The following POLE variants were observed in gnomAD, a reference collection of about 807,000 sequenced individuals.
The protein encoded by POLE is DNA polymerase epsilon, catalytic subunit.
In POLE, 188 loss-of-function variants were observed where a neutral mutation model predicts 279.2. That is an observed-to-expected ratio of 0.67 (90% CI 0.60 to 0.76). The LOEUF is 0.76. Among genes scored for constraint, POLE ranks in the 30% least tolerant of loss-of-function variants. POLE has a pLI of 0.00. For synonymous variants in POLE, 1,214 were observed against 1,172.5 expected (o/e 1.04, Z -0.72); for missense variants, 2,703 against 3,016.7 (o/e 0.90, Z 2.44).
chr12:132,634,440 T>C lies in POLE; in HGVS notation c.5812-62A>G. On this transcript the variant is annotated intron_variant, in intron 42 of 48. Transcript: ENST00000320574. The surrounding 1 kb of genome is among the most constrained non-coding windows in gnomAD (Gnocchi z 4.0). ...ATCGCGGCCTGGTAGAGGGGTAGGA[T>C]GCCACAGCGAAGGCTCCTCCAACCT... is the stretch of plus-strand genomic sequence containing the variant. 2 of 1,522,372 alleles carry C rather than the reference T, an allele frequency of 1.3e-6. No individual in the cohort carries two copies. Among genetic ancestry groups the C allele is most frequent in the South Asian group, 2.4e-5 (2 of 81,886 alleles). 94.3% of individuals were successfully genotyped at this position (1,522,372 alleles called of 1,614,324 possible).
chr12:132,627,094 AAC>A (rs1566310026), intron 45 of POLE, among the ~76,000 whole-genome samples: 2 of 152,232 alleles, frequency 1.3e-5, no homozygotes, highest in Non-Finnish European at 2.9e-5. Context: ...CATCCTGGCC[AAC>A]ACAGTGAAAC....
At chr12:132,641,894 C>T (rs2042153086) in intron 38 of POLE, 43 bp from the exon 39 acceptor site, 2 of 1,575,402 alleles carry the variant, frequency 1.3e-6, no homozygotes, top group African/African-American at 1.3e-5. Context: ...CCTGCCAGCT[C>T]CAGCACCACC....
intron 26 of POLE, 59 bp from the exon 27 acceptor site, chr12:132,658,029 C>T (rs1445247105): frequency 3.9e-6 from 4 of 1,031,284 alleles, no homozygotes; most frequent in Non-Finnish European, 6.1e-6. Context: ...AAAATCTGAT[C>T]CTAACTCTTA....
Position 132,672,857 on chromosome 12 carries a change from G to T in POLE, c.1474-18C>A, listed in dbSNP as rs1304639075. ...CGCAGCACCTGCAAGAGAAACCAAG[G>T]CTTCCAGCCAAAAGCAACACCAAAG... is the stretch of plus-strand genomic sequence containing the variant. On this transcript the variant is annotated intron_variant, in intron 14 of 48. Transcript: ENST00000320574. 2.5e-6 allele frequency: 4 copies of T among 1,608,038 alleles called. No individual in the cohort carries two copies. In the Admixed American group the frequency reaches 6.8e-5, roughly 27 times the overall value.
chr12:132,652,232 T>G (rs538105174), intron 29 of POLE, among the ~76,000 whole-genome samples: 1 of 152,234 alleles, frequency 6.6e-6, no homozygotes, highest in African/African-American at 2.4e-5. Flanking sequence ...CCCTTTGTGA[T>G]GTTTTTCACA....
rs2042363929 is a variant in POLE, at chr12:132,649,366, C to T, written c.3945G>A (p.Leu1315=). The T allele has an allele frequency of 1.9e-6, 3 of 1,613,594 alleles. No individual in the cohort carries two copies. The highest frequency in any genetic ancestry group is 1.7e-6 in the Non-Finnish European group (2 of 1,180,032). Residue 1315 remains leucine (L), a synonymous_variant, in exon 31 of 49, where the codon CTG becomes CTA. Coordinates refer to ENST00000320574, the MANE Select transcript of POLE (RefSeq NM_006231.4). The stretch of plus-strand genomic sequence containing the variant: ...GGGCAGTTCTTCGCAAGAAGCTCCC[C>T]AGCCCCGTGGCAGGACCATCCCGGA... ...GAIRDGPATG[L]GSFLRRTARS... is the part of the protein sequence containing the mutation.
intron 31 of POLE, 57 bp downstream of exon 31, chr12:132,649,249 C>A (rs1212728517): frequency 5.7e-6 from 9 of 1,568,432 alleles, no homozygotes; most frequent in African/African-American, 4.0e-5. Flanking sequence ...CAGCTGGACA[C>A]CCCCTCCCTG....
rs552592036 is a variant in POLE at position 132,640,439 on chromosome 12, G to A, written c.5379-1141C>T. On this transcript the variant is annotated intron_variant, in intron 39 of 48. Transcript: ENST00000320574. ...GTCAGGCAGGTGGTACCTAGACACA[G>A]GTCACACAAAAGCCACAAGGGCGTG... is the stretch of plus-strand genomic sequence containing the variant. 3.9e-4 allele frequency among the ~76,000 whole-genome samples: 59 copies of A among 152,372 alleles called. No individual in the cohort carries two copies. In the Middle Eastern group the frequency reaches 0.014, roughly 35 times the overall value.
Position 132,635,879 on chromosome 12 carries a change from G to A in POLE, c.5811+13C>T, listed in dbSNP as rs150195182. ...CCAAAGCTGGCTCGGGTGCCACACT[G>A]CAGCTCGCTTACCAGTCCACAGTGA... On this transcript the variant is annotated intron_variant, in intron 42 of 48. Transcript: ENST00000320574. The A allele has an allele frequency of 3.5e-4, 556 of 1,603,784 alleles. 3 individuals carry two copies. The African/African-American group carries it at 6.6e-3, about 19-fold the overall frequency.
rs1002181208 is a variant in POLE, at chr12:132,639,212, T to C, written c.5465A>G (p.Tyr1822Cys). The change falls in exon 40 of 49, where the codon TAC becomes TGC. Residue 1822 changes from tyrosine (Y) to cysteine (C), a missense_variant. By Grantham distance (194) the Tyr-to-Cys change is radical. This residue lies in a region of POLE where 1,551 missense variants were observed against 1,686.1 expected (regional missense o/e 0.92). Coordinates refer to ENST00000320574, the MANE Select transcript of POLE (RefSeq NM_006231.4). The surrounding 1 kb of genome is among the most constrained non-coding windows in gnomAD (Gnocchi z 4.7). ...IYADNQVMHF[Y>C]RWLRSPSSLL... ...AGAGGATGGCGACCGAAGCCAGCGG[T>C]AGAAGTGCATCACCTGGTTGTCTGC... The C allele has an allele frequency of 6.2e-7, 1 of 1,614,030 alleles. No individual in the cohort carries two copies. Among genetic ancestry groups the C allele is most frequent in the African/African-American group, 1.3e-5 (1 of 75,018 alleles).
Position 132,668,897 on chromosome 12 carries a change from C to CG in POLE, c.1836dup (p.Val613ArgfsTer43), listed in dbSNP as rs1555227419. 1 of 1,614,112 alleles carries CG rather than the reference C, an allele frequency of 6.2e-7. No individual in the cohort carries two copies. The highest frequency in any genetic ancestry group is 8.5e-7 in the Non-Finnish European group (1 of 1,179,994). Reference sequence around the variant, plus strand: ...AGTGGACACTCGATGCGGCTGGGAACGTCCTTCAGGGAGGCAAGCTTGCTC... The same window carrying CG: ...AGTGGACACTCGATGCGGCTGGGAACGGTCCTTCAGGGAGGCAAGCTTGCTC... On this transcript the variant is annotated frameshift_variant, in exon 17 of 49. Coordinates refer to ENST00000320574, the MANE Select transcript of POLE (RefSeq NM_006231.4). LOFTEE classifies it high-confidence loss of function. This position sits in a 1 kb window ranked among gnomAD's most constrained non-coding sequence, Gnocchi z 4.0.
At position 132,641,754 on chromosome 12, in the gene POLE, G is replaced by A. The variant is rs1555222331; in HGVS notation, c.5271C>T (p.Ser1757=). The stretch of plus-strand genomic sequence containing the variant: ...GGGAGGCCTGCTGGATCACGTCGAA[G>A]CTGATCCCCATGCTGTCGGCCCCCT... The part of the protein sequence containing the change: ...DMEGADSMGI[S]FDVIQQASLE... The change falls in exon 39 of 49, where the codon AGC becomes AGT. Residue 1757 remains serine, a synonymous_variant. Coordinates refer to ENST00000320574, the MANE Select transcript of POLE (RefSeq NM_006231.4). 1 of 1,611,622 alleles carries A rather than the reference G, an allele frequency of 6.2e-7. No individual in the cohort carries two copies. Among genetic ancestry groups the A allele is most frequent in the Non-Finnish European group, 8.5e-7 (1 of 1,179,898 alleles).
chr12:132,673,480 G>A (rs2042977461), intron 13 of POLE, 95 bp downstream of exon 13: 1 of 1,540,682 alleles, frequency 6.5e-7, no homozygotes, highest in Non-Finnish European at 8.8e-7. Flanking sequence ...GGCAGCAGGG[G>A]GAGCCGGGAT....
rs1274864197 is a variant in POLE, at chr12:132,624,777, T to C, written c.6781A>G (p.Ile2261Val). 1 of 1,613,508 alleles carries C rather than the reference T, an allele frequency of 6.2e-7. No homozygotes were observed. The highest frequency in any genetic ancestry group is 8.5e-7 in the Non-Finnish European group (1 of 1,179,520). Reference protein sequence around the residue: ...FMEQIGIFRNIAQHYGMSYLL... With the variant: ...FMEQIGIFRNVAQHYGMSYLL... ...TACGACATGCCGTAGTGCTGGGCAA[T>C]GTTCCGGAATATTCCGATCTGTTCC... Residue 2261 changes from isoleucine (I) to valine (V), a missense_variant, in exon 49 of 49, where the codon ATT becomes GTT. Coordinates refer to ENST00000320574, the MANE Select transcript of POLE (RefSeq NM_006231.4).
Position 132,675,346 on chromosome 12 carries a change from A to G in POLE, c.1226+52T>C, listed in dbSNP as rs1480355632. The G allele has an allele frequency of 1.3e-6, 2 of 1,595,672 alleles. No homozygotes were observed. The highest frequency in any genetic ancestry group is 2.2e-5 in the East Asian group (1 of 44,728). ...ACAGCACAGTCTGCAAGAGGCCTTC[A>G]GATCTCGCTCACGGACAGCAGTGAG... On this transcript the variant is annotated intron_variant, in intron 12 of 48. Coordinates refer to ENST00000320574, the MANE Select transcript of POLE (RefSeq NM_006231.4). This position sits in a 1 kb window ranked among gnomAD's most constrained non-coding sequence, Gnocchi z 4.3.
Position 132,649,286 on chromosome 12 carries a change from C to T in POLE, c.4005+20G>A, listed in dbSNP as rs775205537. 3.9e-5 allele frequency: 62 copies of T among 1,608,180 alleles called. No individual in the cohort carries two copies. The Admixed American group carries it at 4.0e-4, about 10-fold the overall frequency. On this transcript the variant is annotated intron_variant, in intron 31 of 48. Coordinates refer to ENST00000320574, the MANE Select transcript of POLE (RefSeq NM_006231.4). ...GCCATCAGCAGAGCCACTGCCCTCC[C>T]CTTGGATCAAGGTCTATACCTGCAC...
rs1009675656 is a variant in POLE, at chr12:132,624,839, C to G, written c.6748-29G>C. 4.4e-6 allele frequency: 7 copies of G among 1,587,538 alleles called. No individual in the cohort carries two copies. The highest frequency in any genetic ancestry group is 6.1e-6 in the Non-Finnish European group (7 of 1,156,360). On this transcript the variant is annotated intron_variant, in intron 48 of 48. Transcript: ENST00000320574. Reference sequence around the variant, plus strand: ...CAGGAATAAACAGGCACAGTGAGACCCCAGTCCACTCAGAGAGGAGGCCAA... The same window carrying G: ...CAGGAATAAACAGGCACAGTGAGACGCCAGTCCACTCAGAGAGGAGGCCAA...
chr12:132,625,808 C>T (rs2138429017), intron 46 of POLE, 38 bp from the exon 47 acceptor site: 1 of 1,598,296 alleles, frequency 6.3e-7, no homozygotes, highest in Non-Finnish European at 8.5e-7. Flanking sequence ...ACCAGCCCAG[C>T]CTCCAGACCA....
At chr12:132,665,918 C>A (rs1044815696) in intron 20 of POLE, among the ~76,000 whole-genome samples, 1 of 152,214 alleles carries the variant, frequency 6.6e-6, no homozygotes, top group Non-Finnish European at 1.5e-5. Flanking sequence ...TACTCTGAAG[C>A]ACGAGACAGT....
Sources: gnomAD v4.1 joint callset for allele counts (sites outside exome capture counted in the v4.1 genomes callset) on GRCh38, gnomAD v4.1.1 for gene constraint, gnomAD v4.1.1 regional missense constraint, Gnocchi (gnomAD v3.1) non-coding constraint, MANE v1.5 for transcripts, NCBI Gene and HGNC (gene_info 2026-07-23, HGNC 2026-07-21) for gene names.